Variants in MTRR observed in about 807,000 individuals in gnomAD.
The protein encoded by MTRR is 5-methyltetrahydrofolate-homocysteine methyltransferase reductase, also known as methionine synthase reductase.
MTRR carries 63 observed loss-of-function variants against 79.2 expected under a neutral mutation model. That is an observed-to-expected ratio of 0.80 (90% confidence interval 0.65 to 0.98). The LOEUF (loss-of-function observed/expected upper bound fraction) is 0.98. Ranked by LOEUF, MTRR falls within the 50% of genes least tolerant of loss-of-function variation. The probability of loss-of-function intolerance (pLI) is 0.00; values close to 1 mark genes in which losing one functional copy is unlikely to be tolerated. For missense variants in MTRR, 895 were observed against 839.6 expected (o/e 1.07, Z -0.82); for synonymous variants, 355 against 313.3 (o/e 1.13, Z -1.41).
At chr5:7,866,528 C>T, upstream of MTRR, 1 of 762,030 alleles carries the variant, frequency 1.3e-6, no homozygotes, top group African/African-American at 1.7e-5. Context: ...CAGGTCTCAT[C>T]TTCGGATCAC....
chr5:7,851,262 C>T (rs556514802), exon 1 of MTRR: 1 of 401,500 alleles, frequency 2.5e-6, no homozygotes, highest in Non-Finnish European at 4.3e-6. Context: ...GTCTCTCCTT[C>T]CTTCCTCCTC....
chr5:7,894,460 A>G (rs1045628721), intron 11 of MTRR, among the ~76,000 whole-genome samples: 1 of 152,214 alleles, frequency 6.6e-6, no homozygotes, highest in Non-Finnish European at 1.5e-5. Context: ...CTCTCCACAT[A>G]GACCCTCAAG....
At chr5:7,858,786 T>C (rs573119669) in intron 1 of MTRR, among the ~76,000 whole-genome samples, 1 of 152,078 alleles carries the variant, frequency 6.6e-6, no homozygotes, top group Admixed American at 6.5e-5. Flanking sequence ...AACCTGACTG[T>C]GATGAGGCAA....
At chr5:7,868,067 A>C, upstream of MTRR, 1 of 1,606,600 alleles carries the variant, frequency 6.2e-7, no homozygotes. Flanking sequence ...GTTCTTCCTC[A>C]AGGTGATTAA....
intron 2 of MTRR, among the ~76,000 whole-genome samples, chr5:7,862,433 C>A (rs1269931937): frequency 6.6e-6 from 1 of 152,088 alleles, no homozygotes; most frequent in Non-Finnish European, 1.5e-5. Context: ...GCCACATGGT[C>A]TAGTGGCTAC....
intron 6 of MTRR, 27 bp from the exon 7 acceptor site, chr5:7,885,674 T>TC: frequency 6.2e-7 from 1 of 1,604,416 alleles, no homozygotes; most frequent in Non-Finnish European, 8.5e-7. Flanking sequence ...AATGTATTTT[T>TC]TTTTTTTCAT....
rs1250182164 is a variant in MTRR, at chr5:7,889,175, G to A, written c.1227G>A (p.Gly409=). 8.1e-6 allele frequency: 13 copies of A among 1,614,084 alleles called. No individual in the cohort carries two copies. The highest frequency in any genetic ancestry group is 1.1e-5 in the Non-Finnish European group (13 of 1,180,030). Reference sequence around the variant, plus strand: ...TACAGGAGCTGTGCAGTAAACAAGGGGCAGCCGATTATAGCCGCTTTGTAC... The same window carrying A: ...TACAGGAGCTGTGCAGTAAACAAGGAGCAGCCGATTATAGCCGCTTTGTAC... ...RRLQELCSKQ[G]AADYSRFVRD... Residue 409 remains glycine (G), a synonymous_variant, in exon 9 of 15, where the codon GGG becomes GGA. Coordinates refer to ENST00000440940, the MANE Select transcript of MTRR (RefSeq NM_002454.3).
At chr5:7,877,797 G>C in intron 4 of MTRR, 147 bp from the exon 5 acceptor site, 3 of 1,056,250 alleles carry the variant, frequency 2.8e-6, no homozygotes, top group Middle Eastern at 6.0e-4. Flanking sequence ...ACTTAATCAT[G>C]AAGTATTTTT....
intron 1 of MTRR, chr5:7,870,213 AG>A: frequency 2.1e-5 from 7 of 329,460 alleles, no homozygotes; most frequent in Non-Finnish European, 2.6e-5. Flanking sequence ...AATGAAGGAG[AG>A]TATGTGCTTC....
In MTRR at chr5:7,895,853, G is replaced by T. The variant is rs778133567; in HGVS notation, c.1676+1G>T. The stretch of plus-strand genomic sequence containing the variant: ...CGTTTATTGGGTTCCTACAACATAG[G>T]TATGTTCTTTTTTTGGCTAATGGGA... On this transcript the variant is annotated splice_donor_variant, in intron 12 of 14. Transcript: ENST00000440940. LOFTEE classifies it high-confidence loss of function. The T allele has an allele frequency of 6.2e-7, 1 of 1,613,950 alleles. No individual in the cohort carries two copies. Among genetic ancestry groups the T allele is most frequent in the Non-Finnish European group, 8.5e-7 (1 of 1,179,938 alleles).
chr5:7,877,965 G>A lies in MTRR; in HGVS notation c.423G>A (p.Pro141=), dbSNP rs753947379. The A allele has an allele frequency of 9.9e-6, 16 of 1,613,092 alleles. No homozygotes were observed. The highest frequency in any genetic ancestry group is 3.3e-5 in the South Asian group (3 of 91,054). ...CCAGTTTAGAACTTGTGGTTGAGCC[G>A]TGGATTGCTGGACTCTGGCCAGCCC... ...DCVGLELVVE[P]WIAGLWPALR... is the part of the protein sequence containing the mutation. Residue 141 remains proline (P), a synonymous_variant, in exon 5 of 15, where the codon CCG becomes CCA. Coordinates refer to ENST00000440940, the MANE Select transcript of MTRR (RefSeq NM_002454.3).
chr5:7,870,488 C>T, intron 1 of MTRR: 1 of 400,618 alleles, frequency 2.5e-6, no homozygotes, highest in Non-Finnish European at 4.7e-6. Flanking sequence ...AGCTTGTCTA[C>T]AGGGTTGCAC....
In MTRR at chr5:7,900,169, T is replaced by C; in HGVS notation, c.*111T>C. The C allele has an allele frequency of 7.8e-7, 1 of 1,280,934 alleles. No homozygotes were observed. The highest frequency in any genetic ancestry group is 1.4e-5 in the South Asian group (1 of 73,436). The allele number at this position is 1,280,934 out of a possible 1,614,324, so 79.3% of individuals were successfully genotyped here. On this transcript the variant is annotated 3_prime_UTR_variant, in exon 15 of 15. Transcript: ENST00000440940. ...CAAAAGAAAATTTTCTTTCAACATTTCTTGAAGGACATGGAGTGGAGATTG... is the reference window on the plus strand; with the variant it reads ...CAAAAGAAAATTTTCTTTCAACATTCCTTGAAGGACATGGAGTGGAGATTG...
intron 6 of MTRR, 78 bp from the exon 7 acceptor site, chr5:7,885,621 CTA>C (rs1189361662): frequency 2.3e-6 from 3 of 1,295,682 alleles, no homozygotes; most frequent in Non-Finnish European, 3.3e-6. Flanking sequence ...ATATTGAAAA[CTA>C]TATTTTTGTT....
chr5:7,893,803 AG>A (rs1375483599), intron 11 of MTRR, among the ~76,000 whole-genome samples: 1 of 152,196 alleles, frequency 6.6e-6, no homozygotes, highest in Non-Finnish European at 1.5e-5. Context: ...TGAGAGGATA[AG>A]GGATGATTGC....
chr5:7,854,834 G>A (rs974501059), intron 1 of MTRR, among the ~76,000 whole-genome samples: 2 of 152,192 alleles, frequency 1.3e-5, no homozygotes, highest in African/African-American at 4.8e-5. Context: ...GGAGTTTGAT[G>A]TTCAAGGGCA....
exon 1 of MTRR, chr5:7,851,335 A>C: frequency 1.8e-5 from 5 of 281,832 alleles, no homozygotes; most frequent in Non-Finnish European, 6.6e-6. Context: ...CACCTTTCCC[A>C]TGCAGCAGCC....
Position 7,889,236 on chromosome 5 carries a change from G to T in MTRR, c.1288G>T (p.Ala430Ser), listed in dbSNP as rs564953226. The part of the protein sequence containing the change: ...ACACLLDLLL[A>S]FPSCQPPLSL... Reference sequence around the variant, plus strand: ...TGCCTGCTTGTTGGATCTCCTCCTCGCTTTCCCTTCTTGCCAGCCACCACT... The same window carrying T: ...TGCCTGCTTGTTGGATCTCCTCCTCTCTTTCCCTTCTTGCCAGCCACCACT... The change falls in exon 9 of 15, where the codon GCT becomes TCT. Residue 430 changes from alanine (A) to serine (S), a missense_variant. Coordinates refer to ENST00000440940, the MANE Select transcript of MTRR (RefSeq NM_002454.3). 2 of 1,612,958 alleles carry T rather than the reference G, an allele frequency of 1.2e-6. No individual in the cohort carries two copies. Among genetic ancestry groups the T allele is most frequent in the African/African-American group, 2.7e-5 (2 of 74,842 alleles).
chr5:7,873,308 G>A, intron 2 of MTRR, 65 bp from the exon 3 acceptor site: 1 of 1,589,426 alleles, frequency 6.3e-7, no homozygotes, highest in Non-Finnish European at 8.6e-7. Context: ...TGATTGCTTT[G>A]CTGCTGAGTT....
Sources: allele counts gnomAD v4.1 joint callset (sites outside exome capture counted in the v4.1 genomes callset), GRCh38; gene constraint gnomAD v4.1.1; transcripts MANE v1.5; gene names NCBI Gene and HGNC (gene_info 2026-07-23, HGNC 2026-07-21).